FTO: variants seen among roughly 807,000 people sequenced by gnomAD.
The protein encoded by FTO is alpha-ketoglutarate-dependent dioxygenase FTO.
FTO carries 47 observed loss-of-function variants against 63.9 expected under a neutral mutation model. That is an observed-to-expected ratio of 0.74 (90% CI 0.58 to 0.94). The LOEUF (loss-of-function observed/expected upper bound fraction) is 0.94, where lower values mean the gene tolerates loss of function less well. FTO is among the 40% of genes least tolerant of loss of function. The pLI is 0.00. For synonymous variants in FTO, 207 were observed against 224.4 expected (o/e 0.92, Z 0.69); for missense variants, 562 against 618.1 (o/e 0.91, Z 0.96).
intron 3 of FTO, among the ~76,000 whole-genome samples, chr16:53,830,136 G>A (rs1294033098): frequency 1.3e-5 from 2 of 152,128 alleles, no homozygotes; most frequent in African/African-American, 2.4e-5. Context: ...ATGAGTAGAG[G>A]TCATTGAGAA....
rs1212297406 is a variant in FTO, at chr16:54,044,324, C to T, written c.1365-67438C>T. Among the ~76,000 whole-genome samples the T allele has an allele frequency of 1.5e-3, 25 of 16,290 alleles. 1 individual carries two copies. The highest frequency in any genetic ancestry group is 3.1e-3 in the Admixed American group (3 of 980). The allele number at this position is 16,290 out of a possible 152,430, so 10.7% of individuals were successfully genotyped here. A position where few individuals can be genotyped will look rare whatever the true frequency, so the allele number is the denominator to read the frequency against. On this transcript the variant is annotated intron_variant, in intron 8 of 8. Transcript: ENST00000471389. ...GTTGCAATCCTAGTCTCTGATAAAA[C>T]AGACTTTAAACCAACAAAGATCAAA...
Position 54,120,786 on chromosome 16 carries a change from T to A in FTO, c.*8871T>A, listed in dbSNP as rs552785732. The stretch of plus-strand genomic sequence containing the variant: ...ACAGGAACAGCCCCTCCCTCCAAAT[T>A]TGAGCCCAGAAAGGAGAACCTTTGT... On this transcript the variant is annotated 3_prime_UTR_variant, in exon 9 of 9. Transcript: ENST00000471389. The A allele has an allele frequency of 6.6e-6, 1 of 152,194 alleles. No individual in the cohort carries two copies. The highest frequency in any genetic ancestry group is 2.4e-5 in the African/African-American group (1 of 41,446). The allele number at this position is 152,194 out of a possible 1,614,324, so 9.4% of individuals were successfully genotyped here.
chr16:53,919,331 A>T (rs914223606), intron 7 of FTO, among the ~76,000 whole-genome samples: 3 of 152,200 alleles, frequency 2.0e-5, no homozygotes, highest in African/African-American at 7.2e-5. Context: ...AGGTTAAGAG[A>T]TATCAGCTTA....
chr16:54,073,150 G>C (rs921259152), intron 8 of FTO, among the ~76,000 whole-genome samples: 2 of 152,070 alleles, frequency 1.3e-5, no homozygotes, highest in African/African-American at 4.8e-5. Context: ...TACGTGTCCT[G>C]TTGCGTCCCT....
intron 8 of FTO, among the ~76,000 whole-genome samples, chr16:54,042,602 A>G (rs1299583001): frequency 1.6e-5 from 1 of 64,116 alleles, no homozygotes; most frequent in Admixed American, 1.7e-4. Flanking sequence ...GGTGGAGCCC[A>G]CCACAGCTCA....
At chr16:54,084,417 G>T (rs1173723928) in intron 8 of FTO, among the ~76,000 whole-genome samples, 25 of 152,194 alleles carry the variant, frequency 1.6e-4, no homozygotes, top group African/African-American at 6.0e-4. Context: ...ACCAGAAGGA[G>T]CAGTTTGGGG....
intron 1 of FTO, among the ~76,000 whole-genome samples, chr16:53,785,401 A>G (rs1266633407): frequency 1.3e-5 from 2 of 152,228 alleles, no homozygotes; most frequent in Admixed American, 6.5e-5. Context: ...AGAGACAAAA[A>G]TTAAGTACAA....
intron 8 of FTO, among the ~76,000 whole-genome samples, chr16:54,027,480 C>A (rs564799413): frequency 7.1e-6 from 1 of 141,056 alleles, no homozygotes; most frequent in South Asian, 2.3e-4. Flanking sequence ...CATTAGGAAC[C>A]CTCATTTTTA....
At chr16:53,957,165 G>A (rs564242800) in intron 8 of FTO, among the ~76,000 whole-genome samples, 48 of 152,250 alleles carry the variant, frequency 3.2e-4, no homozygotes, top group South Asian at 2.3e-3. Context: ...CCCGGGGCTG[G>A]CATTTCTGAC....
intron 8 of FTO, among the ~76,000 whole-genome samples, chr16:53,942,624 T>G (rs970354127): frequency 1.3e-5 from 2 of 152,230 alleles, no homozygotes; most frequent in African/African-American, 4.8e-5. Flanking sequence ...GGTCACCTGC[T>G]AATGTCCTCG....
At chr16:54,080,877 C>T (rs1287566033) in intron 8 of FTO, among the ~76,000 whole-genome samples, 2 of 152,158 alleles carry the variant, frequency 1.3e-5, no homozygotes, top group Non-Finnish European at 2.9e-5. Flanking sequence ...GCTTAATAGA[C>T]CACAAAAGTC....
At chr16:53,984,229 G>A (rs1157043187) in intron 8 of FTO, among the ~76,000 whole-genome samples, 9 of 151,870 alleles carry the variant, frequency 5.9e-5, no homozygotes, top group Admixed American at 3.9e-4. Flanking sequence ...AAAGTTTACA[G>A]GGCATAACCA....
At chr16:53,991,260 G>T (rs8056199) in intron 8 of FTO, 3 of 151,926 alleles carry the variant, frequency 2.0e-5, no homozygotes, top group African/African-American at 7.3e-5. Flanking sequence ...GACACAGATC[G>T]TGGTGCTTGG....
At chr16:53,741,634 T>C (rs1001641746) in intron 1 of FTO, among the ~76,000 whole-genome samples, 6 of 152,224 alleles carry the variant, frequency 3.9e-5, no homozygotes, top group African/African-American at 1.4e-4. Context: ...AAGAAGGTCA[T>C]TGAGGAACCA....
intron 8 of FTO, among the ~76,000 whole-genome samples, chr16:53,990,265 T>C (rs2083776879): frequency 6.6e-6 from 1 of 152,194 alleles, no homozygotes; most frequent in African/African-American, 2.4e-5. Context: ...ATTCAATAAA[T>C]ACCACTTAGT....
At chr16:53,916,837 A>G (rs1429578542) in intron 7 of FTO, among the ~76,000 whole-genome samples, 4 of 152,250 alleles carry the variant, frequency 2.6e-5, no homozygotes, top group African/African-American at 7.2e-5. Flanking sequence ...CACTATAGCT[A>G]GGGAGAATCT....
At chr16:53,838,588 A>G (rs2079375019) in intron 3 of FTO, among the ~76,000 whole-genome samples, 3 of 152,168 alleles carry the variant, frequency 2.0e-5, no homozygotes, top group Non-Finnish European at 4.4e-5. Flanking sequence ...TGGGATTACA[A>G]GTGTGAACCA....
At chr16:54,025,341 G>C (rs897199696) in intron 8 of FTO, among the ~76,000 whole-genome samples, 1 of 152,186 alleles carries the variant, frequency 6.6e-6, no homozygotes, top group Admixed American at 6.5e-5. Flanking sequence ...ACTAGTGATT[G>C]GGAAAACAAC....
chr16:53,706,087 C>T (rs13335169), intron 1 of FTO, among the ~76,000 whole-genome samples: 7,361 of 152,084 alleles, frequency 0.048, 597 homozygotes, highest in African/African-American at 0.17. Context: ...AAGGCTTTTC[C>T]CATTTTCTGC....
Sources: allele counts gnomAD v4.1 joint callset (sites outside exome capture counted in the v4.1 genomes callset), GRCh38; gene constraint gnomAD v4.1.1; transcripts MANE v1.5; gene names NCBI Gene and HGNC (gene_info 2026-07-23, HGNC 2026-07-21).